The following KCNQ1OT1 variants were observed in gnomAD, a reference collection of about 807,000 sequenced individuals.
KCNQ1OT1 encodes the protein KCNQ1 opposite strand/antisense transcript 1.
exon 1 of KCNQ1OT1, chr11:2,685,908 G>A (rs1850480998): frequency 2.5e-6 from 1 of 398,778 alleles, no homozygotes; most frequent in Non-Finnish European, 4.4e-6. Flanking sequence ...CTCCACGGAT[G>A]AGCCTGACCA....
exon 1 of KCNQ1OT1, chr11:2,616,384 G>A (rs1236369674): frequency 1.3e-5 from 5 of 397,662 alleles, no homozygotes; most frequent in African/African-American, 2.1e-5. Flanking sequence ...ATTTAAGCTC[G>A]AATTCAGTTT....
rs2133871014 is a variant in KCNQ1OT1, at chr11:2,673,413, G to A, written n.26582C>T. On this transcript the variant is annotated non_coding_transcript_exon_variant, in exon 1 of 1. Transcript: ENST00000597346. The surrounding 1 kb of genome is among the most constrained non-coding windows in gnomAD (Gnocchi z 4.5). ...TTTGTTTAGCCCACCTTCTGCCTAGGCACCAGGCCTGGAGGTTCCAACTTG... is the reference window on the plus strand; with the variant it reads ...TTTGTTTAGCCCACCTTCTGCCTAGACACCAGGCCTGGAGGTTCCAACTTG... 2.5e-6 allele frequency: 1 copy of A among 398,662 alleles called. No homozygotes were observed. The highest frequency in any genetic ancestry group is 3.6e-5 in the East Asian group (1 of 28,080). 24.7% of individuals were successfully genotyped at this position (398,662 alleles called of 1,614,324 possible).
In KCNQ1OT1 at chr11:2,691,133, C is replaced by CAGAG. The variant is rs1353827420; in HGVS notation, n.8858_8861dup. ...GGGTGGAGGCTGTGCAGACCTGGTG[C>CAGAG]AGAGTCTGTGCTGGCCTCTGGCCTC... On this transcript the variant is annotated non_coding_transcript_exon_variant, in exon 1 of 1. Coordinates refer to ENST00000597346, the Ensembl canonical transcript of KCNQ1OT1. The surrounding 1 kb of genome is among the most constrained non-coding windows in gnomAD (Gnocchi z 6.4). 1 of 398,544 alleles carries CAGAG rather than the reference C, an allele frequency of 2.5e-6. No homozygotes were observed. The highest frequency in any genetic ancestry group is 4.4e-6 in the Non-Finnish European group (1 of 226,102). The allele number at this position is 398,544 out of a possible 1,614,324, so 24.7% of individuals were successfully genotyped here.
Position 2,663,886 on chromosome 11 carries a change from C to A in KCNQ1OT1, n.36109G>T, listed in dbSNP as rs1590016586. The A allele has an allele frequency of 2.5e-6, 1 of 398,704 alleles. No homozygotes were observed. The allele number at this position is 398,704 out of a possible 1,614,324, so 24.7% of individuals were successfully genotyped here. On this transcript the variant is annotated non_coding_transcript_exon_variant, in exon 1 of 1. Transcript: ENST00000597346. The surrounding 1 kb of genome is among the most constrained non-coding windows in gnomAD (Gnocchi z 5.2). ...TTACCCACCTGCCCAAGGGTGACCC[C>A]AAGCCAGTGTGGCTGTGTCATCTAG...
chr11:2,651,618 T>TG lies in KCNQ1OT1; in HGVS notation n.48376_48377insC, dbSNP rs1849757749. 2.5e-6 allele frequency: 1 copy of TG among 398,604 alleles called. No homozygotes were observed. Among genetic ancestry groups the TG allele is most frequent in the African/African-American group, 2.1e-5 (1 of 48,648 alleles). 24.7% of individuals were successfully genotyped at this position (398,604 alleles called of 1,614,324 possible). A position where few individuals can be genotyped will look rare whatever the true frequency, so the allele number is the denominator to read the frequency against. On this transcript the variant is annotated non_coding_transcript_exon_variant, in exon 1 of 1. Transcript: ENST00000597346. The surrounding 1 kb of genome is among the most constrained non-coding windows in gnomAD (Gnocchi z 6.1). ...TAGCAGGTCCTCCAAGATTTGCTGATCTGCCTGCCCCACCTGGGGTCTCTG... is the reference window on the plus strand; with the variant it reads ...TAGCAGGTCCTCCAAGATTTGCTGATGCTGCCTGCCCCACCTGGGGTCTCTG...
At chr11:2,634,217 C>T (rs1362012013) in exon 1 of KCNQ1OT1, 12 of 393,486 alleles carry the variant, frequency 3.0e-5, no homozygotes, top group Non-Finnish European at 4.5e-5. Flanking sequence ...ATGTGCACAA[C>T]GTGCAGGTTT....
chr11:2,672,216 C>T (rs1850196113), exon 1 of KCNQ1OT1: 1 of 398,638 alleles, frequency 2.5e-6, no homozygotes. Context: ...AAATTGAATT[C>T]CTTCCAGTCC....
exon 1 of KCNQ1OT1, chr11:2,666,847 A>G: frequency 2.5e-6 from 1 of 398,726 alleles, no homozygotes; most frequent in Non-Finnish European, 4.4e-6. Flanking sequence ...AGTGTCCAGA[A>G]GGATGAGTGA....
chr11:2,656,017 A>G (rs2133848824), exon 1 of KCNQ1OT1: 1 of 398,636 alleles, frequency 2.5e-6, no homozygotes, highest in Non-Finnish European at 4.4e-6. Flanking sequence ...AAACACCAGG[A>G]CAGAACCTTC....
chr11:2,624,599 C>T lies in KCNQ1OT1; in HGVS notation n.75396G>A. ...AAAATACACTTAACATAAAAATTAC[C>T]ATCCTAACCAATTTTAGTGTACAAT... On this transcript the variant is annotated non_coding_transcript_exon_variant, in exon 1 of 1. Transcript: ENST00000597346. This position sits in a 1 kb window ranked among gnomAD's most constrained non-coding sequence, Gnocchi z 4.9. 2.5e-6 allele frequency: 1 copy of T among 398,306 alleles called. No homozygotes were observed. The highest frequency in any genetic ancestry group is 4.4e-6 in the Non-Finnish European group (1 of 226,004). 24.7% of individuals were successfully genotyped at this position (398,306 alleles called of 1,614,324 possible).
rs945742946 is a variant in KCNQ1OT1, at chr11:2,642,455, T to C, written n.57540A>G. 1.3e-5 allele frequency: 5 copies of C among 397,992 alleles called. No homozygotes were observed. Among genetic ancestry groups the C allele is most frequent in the Non-Finnish European group, 2.2e-5 (5 of 225,756 alleles). The allele number at this position is 397,992 out of a possible 1,614,324, so 24.7% of individuals were successfully genotyped here. ...GCCTGATTTTTAAATCCTGTAACTG[T>C]AATCAATTTATTGATCAGACTGAAG... On this transcript the variant is annotated non_coding_transcript_exon_variant, in exon 1 of 1. Transcript: ENST00000597346. This position sits in a 1 kb window ranked among gnomAD's most constrained non-coding sequence, Gnocchi z 4.3.
Position 2,658,302 on chromosome 11 carries a change from A to C in KCNQ1OT1, n.41693T>G. On this transcript the variant is annotated non_coding_transcript_exon_variant, in exon 1 of 1. Coordinates refer to ENST00000597346, the Ensembl canonical transcript of KCNQ1OT1. The surrounding 1 kb of genome is among the most constrained non-coding windows in gnomAD (Gnocchi z 4.9). The stretch of plus-strand genomic sequence containing the variant: ...TACATTTTTTATTTGGAATTCCTTT[A>C]TAAGGAAGATTTGTCCCTCTCCTCC... 1 of 398,450 alleles carries C rather than the reference A, an allele frequency of 2.5e-6. No homozygotes were observed. The highest frequency in any genetic ancestry group is 3.6e-5 in the East Asian group (1 of 28,074). 24.7% of individuals were successfully genotyped at this position (398,450 alleles called of 1,614,324 possible). A position where few individuals can be genotyped will look rare whatever the true frequency, so the allele number is the denominator to read the frequency against.
Position 2,610,755 on chromosome 11 carries a change from A to C in KCNQ1OT1, n.89240T>G, listed in dbSNP as rs530231561. 57 of 208,324 alleles carry C rather than the reference A, an allele frequency of 2.7e-4. No homozygotes were observed. Among genetic ancestry groups the C allele is most frequent in the Admixed American group, 1.6e-3 (15 of 9,194 alleles). 12.9% of individuals were successfully genotyped at this position (208,324 alleles called of 1,614,324 possible). The stretch of plus-strand genomic sequence containing the variant: ...TTTTTTTTTTTTTTTTACTTTGAGC[A>C]CTTGGGATCTGTTACCCCACTACTT... On this transcript the variant is annotated non_coding_transcript_exon_variant, in exon 1 of 1. Transcript: ENST00000597346.
In KCNQ1OT1 at chr11:2,663,146, C is replaced by G. The variant is rs975739879; in HGVS notation, n.36849G>C. 4 of 398,606 alleles carry G rather than the reference C, an allele frequency of 1.0e-5. No homozygotes were observed. The highest frequency in any genetic ancestry group is 1.8e-5 in the Non-Finnish European group (4 of 226,154). The allele number at this position is 398,606 out of a possible 1,614,324, so 24.7% of individuals were successfully genotyped here. On this transcript the variant is annotated non_coding_transcript_exon_variant, in exon 1 of 1. Transcript: ENST00000597346. The surrounding 1 kb of genome is among the most constrained non-coding windows in gnomAD (Gnocchi z 5.2). ...ATTATGATCAGACAGGACCTGCCCACTGTCTTTCCAGGCCCCCCCAGTTCA... is the reference window on the plus strand; with the variant it reads ...ATTATGATCAGACAGGACCTGCCCAGTGTCTTTCCAGGCCCCCCCAGTTCA...
chr11:2,648,981 C>CTTTTTTCTTTTTTTTTTTT (rs1849710956), exon 1 of KCNQ1OT1: 3 of 213,302 alleles, frequency 1.4e-5, no homozygotes, highest in African/African-American at 4.4e-5. Flanking sequence ...TTTTCTTTTT[C>CTTTTTTCTTTTTTTTTTTT]TTTTTTTTTT....
At chr11:2,631,733 A>G (rs900847543) in exon 1 of KCNQ1OT1, 1 of 398,620 alleles carries the variant, frequency 2.5e-6, no homozygotes, top group Non-Finnish European at 4.4e-6. Flanking sequence ...ATGAGGATAT[A>G]ATGGAATACT....
Position 2,691,284 on chromosome 11 carries a change from G to A in KCNQ1OT1, n.8711C>T. 1 of 398,586 alleles carries A rather than the reference G, an allele frequency of 2.5e-6. No individual in the cohort carries two copies. Among genetic ancestry groups the A allele is most frequent in the Non-Finnish European group, 4.4e-6 (1 of 226,088 alleles). 24.7% of individuals were successfully genotyped at this position (398,586 alleles called of 1,614,324 possible). ...TGTTTGAGCCACTAATCAGGAAGGA[G>A]AGCTGACAAGAAAAAGGCGATGTCT... On this transcript the variant is annotated non_coding_transcript_exon_variant, in exon 1 of 1. Transcript: ENST00000597346. The surrounding 1 kb of genome is among the most constrained non-coding windows in gnomAD (Gnocchi z 6.4).
At chr11:2,656,997 T>A in exon 1 of KCNQ1OT1, 2 of 398,658 alleles carry the variant, frequency 5.0e-6, no homozygotes, top group African/African-American at 4.1e-5. Context: ...CTTCCCAGGA[T>A]GTGCAGGCCA....
rs1034233592 is a variant in KCNQ1OT1 at position 2,611,414 on chromosome 11, G to A, written n.88581C>T. On this transcript the variant is annotated non_coding_transcript_exon_variant, in exon 1 of 1. Transcript: ENST00000597346. The surrounding 1 kb of genome is among the most constrained non-coding windows in gnomAD (Gnocchi z 5.3). ...TTTAGTAGAGACAGAGTTTCACCAT[G>A]TTGACCAGGCTGGTCTTGAACTCCT... 18 of 397,594 alleles carry A rather than the reference G, an allele frequency of 4.5e-5. No individual in the cohort carries two copies. The highest frequency in any genetic ancestry group is 7.1e-5 in the Non-Finnish European group (16 of 226,022). The allele number at this position is 397,594 out of a possible 1,614,324, so 24.6% of individuals were successfully genotyped here.
Sources: gnomAD v4.1 joint callset for allele counts on GRCh38, gnomAD v4.1.1 for gene constraint, Gnocchi (gnomAD v3.1) non-coding constraint, MANE v1.5 for transcripts, NCBI Gene and HGNC (gene_info 2026-07-23, HGNC 2026-07-21) for gene names.